Variants in USP54 observed in about 807,000 individuals in gnomAD.
USP54 encodes ubiquitin carboxyl-terminal hydrolase 54.
In USP54, 87 loss-of-function variants were observed where a neutral mutation model predicts 170.5. The observed-to-expected ratio is 0.51, with a 90% confidence interval of 0.43 to 0.61. The LOEUF is 0.61. Ranked by LOEUF, USP54 falls within the 20% of genes least tolerant of loss-of-function variation. The probability of loss-of-function intolerance (pLI) is 0.00; values close to 1 mark genes in which losing one functional copy is unlikely to be tolerated. For synonymous variants in USP54, 655 were observed against 742.8 expected (o/e 0.88, Z 1.92); for missense variants, 1,786 against 2,047.8 (o/e 0.87, Z 2.47).
chr10:73,506,677 C>T (rs1260048932), intron 20 of USP54: 1 of 152,054 alleles, frequency 6.6e-6, no homozygotes, highest in Non-Finnish European at 1.5e-5. Flanking sequence ...AATATAGCTT[C>T]CTGGATGTTA....
chr10:73,520,074 G>T, intron 18 of USP54, 82 bp from the exon 19 acceptor site: 1 of 1,516,516 alleles, frequency 6.6e-7, no homozygotes, highest in South Asian at 1.2e-5. Flanking sequence ...AAAAAAATGA[G>T]CAAAGATATG....
chr10:73,605,375 T>A (rs889966678), intron 1 of USP54, among the ~76,000 whole-genome samples: 1 of 152,036 alleles, frequency 6.6e-6, no homozygotes, highest in African/African-American at 2.4e-5. Context: ...ATTTTTTTTT[T>A]AATTAGTTGG....
intron 1 of USP54, among the ~76,000 whole-genome samples, chr10:73,603,236 T>C (rs890643710): frequency 2.0e-5 from 3 of 152,210 alleles, no homozygotes; most frequent in Admixed American, 2.0e-4. Context: ...TACTAATATT[T>C]AATTTGCTGG....
intron 1 of USP54, among the ~76,000 whole-genome samples, chr10:73,614,561 C>CAAAAAAA (rs60519884): frequency 4.0e-5 from 2 of 50,238 alleles, no homozygotes; most frequent in Non-Finnish European, 8.1e-5. Context: ...ACTCCGTCTC[C>CAAAAAAA]AAAAAAAAAA....
chr10:73,542,082 A>G (rs2066721898), intron 7 of USP54, among the ~76,000 whole-genome samples: 1 of 152,094 alleles, frequency 6.6e-6, no homozygotes, highest in African/African-American at 2.4e-5. Flanking sequence ...ATATAAAACT[A>G]TTTGTGTTTT....
chr10:73,598,678 G>A (rs557997078), intron 1 of USP54, among the ~76,000 whole-genome samples: 112 of 152,234 alleles, frequency 7.4e-4, no homozygotes, highest in African/African-American at 7.0e-4. Flanking sequence ...TTGGGAGGCC[G>A]AGGCGGGTGG....
intron 18 of USP54, among the ~76,000 whole-genome samples, chr10:73,520,347 T>A (rs908172346): frequency 1.3e-5 from 2 of 152,222 alleles, no homozygotes; most frequent in African/African-American, 4.8e-5. Flanking sequence ...CTCTTCCCAA[T>A]GGCCAACAGC....
intron 4 of USP54, among the ~76,000 whole-genome samples, chr10:73,546,852 A>G (rs1280915595): frequency 1.3e-5 from 2 of 152,068 alleles, no homozygotes; most frequent in Non-Finnish European, 2.9e-5. Context: ...ATTTTTTGCT[A>G]TTACAAAGAC....
In USP54 at chr10:73,529,712, A is replaced by C. The variant is rs200390942; in HGVS notation, c.2028T>G (p.Asp676Glu). The change falls in exon 15 of 24, where the codon GAT (aspartate) becomes GAG (glutamate). Residue 676 changes from aspartate (D) to glutamate (E), a missense_variant. By Grantham distance (45) the Asp-to-Glu change is conservative (BLOSUM62 2). Transcript: ENST00000687698. Reference protein sequence around the residue: ...ERNSSSPVSLDAALPESSNVY... With the variant: ...ERNSSSPVSLEAALPESSNVY... ...CATTTGAGCTCTCAGGCAGGGCTGC[A>C]TCCAGGCTGACAGGGCTGCTGCTGT... 1.9e-6 allele frequency: 3 copies of C among 1,613,934 alleles called. No homozygotes were observed. Among genetic ancestry groups the C allele is most frequent in the African/African-American group, 2.7e-5 (2 of 74,938 alleles).
chr10:73,519,803 G>A lies in USP54; in HGVS notation c.2672C>T (p.Pro891Leu). 1.2e-6 allele frequency: 2 copies of A among 1,613,936 alleles called. No individual in the cohort carries two copies. The highest frequency in any genetic ancestry group is 1.7e-4 in the Middle Eastern group (1 of 6,014). ...LPTQAGTLSQPTSEQPIPLQV... is the reference protein window; with the variant it reads ...LPTQAGTLSQLTSEQPIPLQV... ...CATGGTTCCCAAGCACTACCTTGTT[G>A]GCTGAGAGAGAGTCCCCGCCTGTGT... Residue 891 changes from proline (P) to leucine (L), a missense_variant, in exon 19 of 24, where the codon CCA becomes CTA. Pro to Leu is a moderately conservative substitution (Grantham distance 98). Coordinates refer to ENST00000687698, the MANE Select transcript of USP54 (RefSeq NM_001391956.1).
At chr10:73,567,478 C>T (rs2074110954) in intron 4 of USP54, among the ~76,000 whole-genome samples, 1 of 152,072 alleles carries the variant, frequency 6.6e-6, no homozygotes, top group Non-Finnish European at 1.5e-5. Context: ...CGGGACCAGC[C>T]TGGCCAACAT....
At chr10:73,625,348 T>TG (rs2081442603) in intron 1 of USP54, among the ~76,000 whole-genome samples, 1 of 151,960 alleles carries the variant, frequency 6.6e-6, no homozygotes, top group Non-Finnish European at 1.5e-5. Flanking sequence ...AGAGTGTCCG[T>TG]GGGGTATCTC....
chr10:73,612,748 G>C (rs961439251), intron 1 of USP54, among the ~76,000 whole-genome samples: 27 of 149,688 alleles, frequency 1.8e-4, no homozygotes, highest in African/African-American at 6.4e-4. Flanking sequence ...AGCTGACGCA[G>C]GAAAATCCTT....
At chr10:73,506,075 C>T (rs1429750857) in intron 20 of USP54, 1 of 152,156 alleles carries the variant, frequency 6.6e-6, no homozygotes, top group Non-Finnish European at 1.5e-5. Flanking sequence ...GAAATTATCT[C>T]CAGTCTAGTT....
chr10:73,587,986 C>G (rs147566601), intron 1 of USP54, among the ~76,000 whole-genome samples: 1 of 152,266 alleles, frequency 6.6e-6, no homozygotes, highest in Non-Finnish European at 1.5e-5. Context: ...AGGTACAAAA[C>G]AGGAATTCCA....
At chr10:73,554,983 G>A (rs1000131563) in intron 4 of USP54, among the ~76,000 whole-genome samples, 1 of 152,192 alleles carries the variant, frequency 6.6e-6, no homozygotes, top group Non-Finnish European at 1.5e-5. Flanking sequence ...TATGCCTGTA[G>A]TTTCAGCTAC....
At chr10:73,577,189 TAA>T (rs1009303072) in intron 1 of USP54, among the ~76,000 whole-genome samples, 1 of 152,208 alleles carries the variant, frequency 6.6e-6, no homozygotes, top group Non-Finnish European at 1.5e-5. Flanking sequence ...TTTTAAATGT[TAA>T]GTGTTAAATT....
chr10:73,595,303 G>A (rs996116939), upstream of USP54, among the ~76,000 whole-genome samples: 1 of 152,168 alleles, frequency 6.6e-6, no homozygotes, highest in East Asian at 1.9e-4. Flanking sequence ...TGCAATCCCT[G>A]TGCAATCAGA....
At position 73,585,328 on chromosome 10, in the gene USP54, T is replaced by C. The variant is rs1176657511; in HGVS notation, c.-582+5950A>G. Among the ~76,000 whole-genome samples, 3 of 152,314 alleles carry C rather than the reference T, an allele frequency of 2.0e-5. No individual in the cohort carries two copies. In the East Asian group the frequency reaches 5.8e-4, roughly 29 times the overall value. On this transcript the variant is annotated intron_variant, in intron 1 of 23. Coordinates refer to ENST00000687698, the MANE Select transcript of USP54 (RefSeq NM_001391956.1). The stretch of plus-strand genomic sequence containing the variant: ...GAAATACCCAAGGCTGGGTAATTTA[T>C]AAAGAAAAGAAGTTAATCAGCTAAT...
Sources: allele counts gnomAD v4.1 joint callset (sites outside exome capture counted in the v4.1 genomes callset), GRCh38; gene constraint gnomAD v4.1.1; transcripts MANE v1.5; gene names NCBI Gene and HGNC (gene_info 2026-07-23, HGNC 2026-07-21).